VPS37A: variants seen among roughly 807,000 people sequenced by gnomAD.
VPS37A encodes vacuolar protein sorting-associated protein 37A.
Under a neutral mutation model 49.8 loss-of-function variants are expected in VPS37A, and 30 were observed. The observed-to-expected ratio is 0.60, with a 90% confidence interval of 0.45 to 0.82. VPS37A has a LOEUF of 0.82. VPS37A is among the 40% of genes least tolerant of loss of function. VPS37A has a pLI of 0.00. For missense variants in VPS37A, 593 were observed against 464.4 expected (o/e 1.28, Z -2.55); for synonymous variants, 195 against 160.6 (o/e 1.21, Z -1.62).
chr8:17,249,324 C>G (rs1305377588), intron 1 of VPS37A, among the ~76,000 whole-genome samples: 1 of 152,082 alleles, frequency 6.6e-6, no homozygotes, highest in African/African-American at 2.4e-5. Flanking sequence ...TCAGTAAATA[C>G]GCGGAGTTGG....
the VPS37A span, chr8:17,331,267 T>G: frequency 6.2e-7 from 1 of 1,608,254 alleles, no homozygotes; most frequent in Non-Finnish European, 8.5e-7. Context: ...GCAGCACGAT[T>G]TGCCATTGCA....
chr8:17,246,997 C>G lies in VPS37A; in HGVS notation c.-248C>G. The stretch of plus-strand genomic sequence containing the variant: ...CTCCCTGGCTGGCCGGTTTGGGCGT[C>G]TGGGCCGTGAAGGTGGGACCTCCTG... On this transcript the variant is annotated 5_prime_UTR_variant, in exon 1 of 12. Transcript: ENST00000324849. 1 of 534,086 alleles carries G rather than the reference C, an allele frequency of 1.9e-6. No homozygotes were observed. Among genetic ancestry groups the G allele is most frequent in the Non-Finnish European group, 3.3e-6 (1 of 301,062 alleles). 33.1% of individuals were successfully genotyped at this position (534,086 alleles called of 1,614,324 possible). A position where few individuals can be genotyped will look rare whatever the true frequency, so the allele number is the denominator to read the frequency against.
intron 4 of VPS37A, among the ~76,000 whole-genome samples, chr8:17,272,816 C>G (rs2150386538): frequency 6.7e-6 from 1 of 150,090 alleles, no homozygotes; most frequent in East Asian, 2.0e-4. Context: ...GCTCAAAATT[C>G]AAAAAGTATA....
At chr8:17,285,578 T>TACAC (rs930979672) in intron 10 of VPS37A, among the ~76,000 whole-genome samples, 1 of 152,074 alleles carries the variant, frequency 6.6e-6, no homozygotes, top group Non-Finnish European at 1.5e-5. Context: ...CTGTGAGACA[T>TACAC]ACACACACAC....
downstream of VPS37A, chr8:17,301,846 C>A (rs550959851): frequency 7.6e-6 from 3 of 397,144 alleles, no homozygotes; most frequent in Non-Finnish European, 1.3e-5. Flanking sequence ...GTTACTTTTT[C>A]ACACTTTCCA....
intron 11 of VPS37A, among the ~76,000 whole-genome samples, chr8:17,292,187 C>T (rs1218428778): frequency 6.6e-6 from 1 of 152,182 alleles, no homozygotes; most frequent in Non-Finnish European, 1.5e-5. Context: ...ATAGTTAGCT[C>T]TTCTTCCTAC....
chr8:17,305,375 G>C (rs908885223), downstream of VPS37A, among the ~76,000 whole-genome samples: 2 of 152,006 alleles, frequency 1.3e-5, no homozygotes, highest in South Asian at 4.1e-4. Flanking sequence ...AATAAATTCT[G>C]GCTTTTATAT....
chr8:17,322,950 C>CTT, the VPS37A span, among the ~76,000 whole-genome samples: 474 of 125,742 alleles, frequency 3.8e-3, 10 homozygotes, highest in South Asian at 0.033. Flanking sequence ...ATTGAATTAT[C>CTT]TTTTTTTTTT....
At chr8:17,326,894 A>T in the VPS37A span, among the ~76,000 whole-genome samples, 1 of 152,224 alleles carries the variant, frequency 6.6e-6, no homozygotes, top group African/African-American at 2.4e-5. Flanking sequence ...ATCATTTTTT[A>T]AAAAAGGAAT....
the VPS37A span, among the ~76,000 whole-genome samples, chr8:17,307,889 G>A: frequency 4.6e-5 from 7 of 151,768 alleles, no homozygotes; most frequent in South Asian, 1.2e-3. Context: ...GACTGTTGTG[G>A]GGTGGCGGGA....
chr8:17,267,880 G>T (rs1048740784), intron 2 of VPS37A, among the ~76,000 whole-genome samples: 12 of 152,110 alleles, frequency 7.9e-5, no homozygotes, highest in African/African-American at 2.7e-4. Context: ...GCTAGAACCT[G>T]TGGTCCAATA....
At chr8:17,321,013 A>G in the VPS37A span, among the ~76,000 whole-genome samples, 2 of 151,916 alleles carry the variant, frequency 1.3e-5, no homozygotes, top group African/African-American at 4.8e-5. Flanking sequence ...TTTTTACTGA[A>G]CAGGCCAAAC....
the VPS37A span, among the ~76,000 whole-genome samples, chr8:17,324,316 C>T: frequency 1.3e-5 from 2 of 152,202 alleles, no homozygotes; most frequent in Non-Finnish European, 2.9e-5. Context: ...GTACTTACTA[C>T]AAGCAGGTAT....
chr8:17,282,780 T>A (rs941899184), intron 9 of VPS37A, among the ~76,000 whole-genome samples: 1 of 152,038 alleles, frequency 6.6e-6, no homozygotes, highest in Non-Finnish European at 1.5e-5. Flanking sequence ...CAATGATTCC[T>A]AGGCTTCTTT....
At chr8:17,308,901 AAG>A in the VPS37A span, among the ~76,000 whole-genome samples, 2 of 152,230 alleles carry the variant, frequency 1.3e-5, no homozygotes, top group Non-Finnish European at 2.9e-5. Flanking sequence ...TAGAAGATCA[AAG>A]AGAAACTGTT....
chr8:17,279,657 A>G (rs1326814074), intron 6 of VPS37A: 6 of 348,246 alleles, frequency 1.7e-5, no homozygotes, highest in Non-Finnish European at 2.8e-5. Context: ...CCTAAGCTGA[A>G]TAAGCTCCTT....
intron 11 of VPS37A, among the ~76,000 whole-genome samples, chr8:17,287,619 A>T (rs1315902422): frequency 6.6e-6 from 1 of 151,968 alleles, no homozygotes; most frequent in Non-Finnish European, 1.5e-5. Flanking sequence ...CAGACCTTGC[A>T]GTGAGCCGAG....
downstream of VPS37A, chr8:17,301,846 C>T (rs550959851): frequency 2.5e-6 from 1 of 397,262 alleles, no homozygotes; most frequent in Non-Finnish European, 4.4e-6. Context: ...GTTACTTTTT[C>T]ACACTTTCCA....
the VPS37A span, chr8:17,313,548 G>A: frequency 4.9e-5 from 27 of 546,696 alleles, no homozygotes; most frequent in South Asian, 6.4e-4. Flanking sequence ...AAATACCCAC[G>A]TTTACTAAAC....
Sources: gnomAD v4.1 joint callset for allele counts (sites outside exome capture counted in the v4.1 genomes callset) on GRCh38, gnomAD v4.1.1 for gene constraint, MANE v1.5 for transcripts, NCBI Gene and HGNC (gene_info 2026-07-23, HGNC 2026-07-21) for gene names.